The following WWOX variants were observed in gnomAD, a reference collection of about 807,000 sequenced individuals.
The protein encoded by WWOX is WW domain-containing oxidoreductase.
In WWOX, 69 loss-of-function variants were observed where a neutral mutation model predicts 46.2. That is an observed-to-expected ratio of 1.49 (90% confidence interval 1.23 to 1.82). The LOEUF is 1.82. WWOX is among the 40% of genes most tolerant of loss of function. The probability of loss-of-function intolerance (pLI) is 0.00; values close to 1 mark genes in which losing one functional copy is unlikely to be tolerated. For missense variants in WWOX, 919 were observed against 542.6 expected (o/e 1.69, Z -6.89); for synonymous variants, 359 against 202.6 (o/e 1.77, Z -6.56).
intron 8 of WWOX, among the ~76,000 whole-genome samples, chr16:78,988,019 G>C (rs533555799): frequency 6.6e-6 from 1 of 152,014 alleles, no homozygotes; most frequent in Non-Finnish European, 1.5e-5. Flanking sequence ...ATAAAGGGGG[G>C]GTGGTCAAGG....
chr16:78,537,331 T>C (rs948021850), intron 8 of WWOX, among the ~76,000 whole-genome samples: 3 of 152,232 alleles, frequency 2.0e-5, no homozygotes, highest in South Asian at 2.1e-4. Flanking sequence ...ATACATGATA[T>C]GCATTTTCTA....
chr16:78,416,951 C>G (rs1020041483), intron 6 of WWOX, among the ~76,000 whole-genome samples: 1 of 151,874 alleles, frequency 6.6e-6, no homozygotes, highest in Non-Finnish European at 1.5e-5. Flanking sequence ...GCTACAGTTT[C>G]TCTAAGAAGT....
intron 8 of WWOX, among the ~76,000 whole-genome samples, chr16:78,622,045 G>A (rs181895395): frequency 6.6e-6 from 1 of 152,276 alleles, no homozygotes; most frequent in Non-Finnish European, 1.5e-5. Flanking sequence ...CCAGTTGTTA[G>A]CTGCTGAAGT....
chr16:78,928,105 G>A (rs148664229), intron 8 of WWOX, among the ~76,000 whole-genome samples: 1 of 151,758 alleles, frequency 6.6e-6, no homozygotes, highest in African/African-American at 2.4e-5. Flanking sequence ...CCTTTTGTCC[G>A]TATGTATTTA....
At chr16:78,433,916 A>C (rs1037491603) in intron 8 of WWOX, among the ~76,000 whole-genome samples, 105 of 149,890 alleles carry the variant, frequency 7.0e-4, no homozygotes, top group African/African-American at 2.6e-3. Context: ...CAGCCTCCCA[A>C]GTAGCTGGGA....
chr16:78,825,804 T>C (rs969425478), intron 8 of WWOX: 5 of 593,042 alleles, frequency 8.4e-6, no homozygotes, highest in African/African-American at 1.9e-5. Context: ...CATGTGCTGC[T>C]CAGATAGGGT....
chr16:79,133,295 A>C (rs1225415852), intron 8 of WWOX, among the ~76,000 whole-genome samples: 1 of 152,138 alleles, frequency 6.6e-6, no homozygotes, highest in African/African-American at 2.4e-5. Context: ...ACTTTCGTCA[A>C]TGAGACGCCA....
intron 6 of WWOX, among the ~76,000 whole-genome samples, chr16:78,399,748 C>G (rs1037338283): frequency 9.8e-5 from 15 of 152,294 alleles, no homozygotes; most frequent in African/African-American, 3.6e-4. Context: ...TTTTTCTCCT[C>G]TTAGCATCCT....
rs200846094 is a variant in WWOX at position 78,520,724 on chromosome 16, C to A, written c.1056+87972C>A. ...GCTTCATGAATCCCTGCATTGGCCACCCCTGTACCACGGCCAATGATTCAC... is the reference window on the plus strand; with the variant it reads ...GCTTCATGAATCCCTGCATTGGCCAACCCTGTACCACGGCCAATGATTCAC... On this transcript the variant is annotated intron_variant, in intron 8 of 8. Transcript: ENST00000566780. 3.9e-5 allele frequency among the ~76,000 whole-genome samples: 6 copies of A among 152,018 alleles called. No homozygotes were observed. The East Asian group carries it at 1.2e-3, about 30-fold the overall frequency.
chr16:79,002,615 T>A (rs1038455033), intron 8 of WWOX, among the ~76,000 whole-genome samples: 1 of 152,236 alleles, frequency 6.6e-6, no homozygotes, highest in African/African-American at 2.4e-5. Flanking sequence ...TTTTGAGCTC[T>A]GACTTTGCAT....
chr16:78,315,113 A>G (rs2080333704), intron 5 of WWOX, among the ~76,000 whole-genome samples: 1 of 151,968 alleles, frequency 6.6e-6, no homozygotes, highest in South Asian at 2.1e-4. Flanking sequence ...TAATTTTGTC[A>G]CTTTTTCTTC....
chr16:78,795,819 G>T (rs1429653300), intron 8 of WWOX, among the ~76,000 whole-genome samples: 2 of 152,110 alleles, frequency 1.3e-5, no homozygotes, highest in Non-Finnish European at 1.5e-5. Flanking sequence ...TGAGTATAAA[G>T]TATCTAGTAG....
intron 5 of WWOX, among the ~76,000 whole-genome samples, chr16:78,320,149 G>A (rs1158199049): frequency 2.6e-5 from 4 of 152,152 alleles, no homozygotes; most frequent in African/African-American, 7.2e-5. Flanking sequence ...CTTCATGTAC[G>A]TGACTGTATA....
Position 79,212,025 on chromosome 16 carries a change from T to G in WWOX, c.*229T>G, listed in dbSNP as rs2051778392. ...TGGGCTAGGCATAGGTCTCTTTGCTTTCTGGTGGTGGCCTGTTTGAAAGTA... is the reference window on the plus strand; with the variant it reads ...TGGGCTAGGCATAGGTCTCTTTGCTGTCTGGTGGTGGCCTGTTTGAAAGTA... On this transcript the variant is annotated 3_prime_UTR_variant, in exon 9 of 9. Transcript: ENST00000566780. 3 of 1,536,138 alleles carry G rather than the reference T, an allele frequency of 2.0e-6. No individual in the cohort carries two copies. Among genetic ancestry groups the G allele is most frequent in the South Asian group, 2.4e-5 (2 of 84,068 alleles).
intron 8 of WWOX, among the ~76,000 whole-genome samples, chr16:79,112,912 C>T (rs1249624391): frequency 6.6e-6 from 1 of 152,178 alleles, no homozygotes; most frequent in South Asian, 2.1e-4. Flanking sequence ...TGCAGCGCAG[C>T]TCAGCACAGC....
intron 8 of WWOX, among the ~76,000 whole-genome samples, chr16:78,464,426 C>A (rs78749096): frequency 0.017 from 2,646 of 152,122 alleles, 93 homozygotes; most frequent in African/African-American, 0.061. Context: ...GTTAATGCTC[C>A]GTTTCTAGTA....
intron 8 of WWOX, chr16:78,552,155 C>T (rs991630174): frequency 6.6e-6 from 1 of 152,194 alleles, no homozygotes; most frequent in Non-Finnish European, 1.5e-5. Flanking sequence ...CCCAGAATTT[C>T]ACATGCAAAT....
At chr16:78,776,735 G>A (rs1171906032) in intron 8 of WWOX, among the ~76,000 whole-genome samples, 1 of 152,126 alleles carries the variant, frequency 6.6e-6, no homozygotes, top group African/African-American at 2.4e-5. Flanking sequence ...TACGATCATG[G>A]TGGAAAGGAA....
chr16:78,733,305 A>G (rs1200888187), intron 8 of WWOX, among the ~76,000 whole-genome samples: 4 of 152,116 alleles, frequency 2.6e-5, no homozygotes, highest in African/African-American at 9.7e-5. Flanking sequence ...AAAATAATAA[A>G]TTAGCTGAGT....
Sources: gnomAD v4.1 joint callset for allele counts (sites outside exome capture counted in the v4.1 genomes callset) on GRCh38, gnomAD v4.1.1 for gene constraint, MANE v1.5 for transcripts, NCBI Gene and HGNC (gene_info 2026-07-23, HGNC 2026-07-21) for gene names.